The following RFX1 variants were observed in gnomAD, a reference collection of about 807,000 sequenced individuals.
RFX1 encodes regulatory factor X1.
In RFX1, 42 loss-of-function variants were observed where a neutral mutation model predicts 119.6. The ratio of observed to expected loss-of-function variants is 0.35; its 90% confidence interval spans 0.27 to 0.45. RFX1 has a LOEUF of 0.45. Ranked by LOEUF, RFX1 falls within the 20% of genes least tolerant of loss-of-function variation. The pLI, the probability that RFX1 is intolerant of heterozygous loss-of-function variation, is 1.00. For synonymous variants in RFX1, 628 were observed against 618.5 expected (o/e 1.02, Z -0.23); for missense variants, 1,118 against 1,368.1 (o/e 0.82, Z 2.88).
rs759431463 is a variant in RFX1, at chr19:13,986,986, T to A, written c.320-3391A>T. 5.3e-5 allele frequency among the ~76,000 whole-genome samples: 8 copies of A among 152,196 alleles called. No individual in the cohort carries two copies. The highest frequency in any genetic ancestry group is 8.8e-5 in the Non-Finnish European group (6 of 68,016). Reference sequence around the variant, plus strand: ...GGGGCCCCTGCTGCCCCCAGTGTCCTCTATCCCTTGTCTGCTCCAACCTCA... The same window carrying A: ...GGGGCCCCTGCTGCCCCCAGTGTCCACTATCCCTTGTCTGCTCCAACCTCA... On this transcript the variant is annotated intron_variant, in intron 2 of 20. Coordinates refer to ENST00000254325, the MANE Select transcript of RFX1 (RefSeq NM_002918.5). This position sits in a 1 kb window ranked among gnomAD's most constrained non-coding sequence, Gnocchi z 4.2.
intron 1 of RFX1, 87 bp from the exon 2 acceptor site, chr19:13,993,982 G>T: frequency 3.8e-6 from 3 of 780,440 alleles, no homozygotes; most frequent in Non-Finnish European, 6.2e-6. Flanking sequence ...GGCAGAGAAA[G>T]CAGGGACAGC....
rs1326785158 is a variant in RFX1 at position 13,986,529 on chromosome 19, C to T, written c.320-2934G>A. ...AGGGCCCCTCCACCACTGGGTCTGG[C>T]CCTCGCTGTGTTTCAGGGAGGAGAA... On this transcript the variant is annotated intron_variant, in intron 2 of 20. Coordinates refer to ENST00000254325, the MANE Select transcript of RFX1 (RefSeq NM_002918.5). This position sits in a 1 kb window ranked among gnomAD's most constrained non-coding sequence, Gnocchi z 4.2. 1.3e-5 allele frequency among the ~76,000 whole-genome samples: 2 copies of T among 152,150 alleles called. No homozygotes were observed. Among genetic ancestry groups the T allele is most frequent in the African/African-American group, 2.4e-5 (1 of 41,444 alleles).
Position 13,979,557 on chromosome 19 carries a change from G to A in RFX1, c.739-15C>T. 1.9e-6 allele frequency: 3 copies of A among 1,566,734 alleles called. No individual in the cohort carries two copies. The highest frequency in any genetic ancestry group is 1.8e-5 in the Admixed American group (1 of 55,140). On this transcript the variant is annotated splice_polypyrimidine_tract_variant and intron_variant, in intron 6 of 20. Coordinates refer to ENST00000254325, the MANE Select transcript of RFX1 (RefSeq NM_002918.5). ...ACCACAGATCTCTGGGAGGGGAAAGGCAACAATAAGATGACCATGGCAACG... is the reference window on the plus strand; with the variant it reads ...ACCACAGATCTCTGGGAGGGGAAAGACAACAATAAGATGACCATGGCAACG...
chr19:13,975,766 C>T (rs1471413284), intron 8 of RFX1, among the ~76,000 whole-genome samples: 2 of 152,242 alleles, frequency 1.3e-5, no homozygotes, highest in Admixed American at 6.5e-5. Flanking sequence ...GGATGCCCCC[C>T]AGAACAGGAC....
chr19:13,985,130 G>A lies in RFX1; in HGVS notation c.320-1535C>T, dbSNP rs376285527. Among the ~76,000 whole-genome samples, 1 of 151,986 alleles carries A rather than the reference G, an allele frequency of 6.6e-6. No individual in the cohort carries two copies. The highest frequency in any genetic ancestry group is 2.4e-5 in the African/African-American group (1 of 41,366). ...ACCTGCTTCCATCTCCCGAAGTGCC[G>A]GAATTACCGGCGTGAGCCACTGTGC... is the stretch of plus-strand genomic sequence containing the variant. On this transcript the variant is annotated intron_variant, in intron 2 of 20. Coordinates refer to ENST00000254325, the MANE Select transcript of RFX1 (RefSeq NM_002918.5). The surrounding 1 kb of genome is among the most constrained non-coding windows in gnomAD (Gnocchi z 4.3).
chr19:13,977,868 T>C, intron 8 of RFX1, 124 bp downstream of exon 8: 1 of 705,772 alleles, frequency 1.4e-6, no homozygotes, highest in Non-Finnish European at 2.4e-6. Context: ...TGTGTGTCTG[T>C]CACCTGAGGC....
rs1364932831 is a variant in RFX1 at position 13,965,220 on chromosome 19, A to T, written c.2211+229T>A. On this transcript the variant is annotated intron_variant, in intron 16 of 20. Coordinates refer to ENST00000254325, the MANE Select transcript of RFX1 (RefSeq NM_002918.5). The surrounding 1 kb of genome is among the most constrained non-coding windows in gnomAD (Gnocchi z 4.7). Reference sequence around the variant, plus strand: ...TTTATTTTTGAAAGATGCTGTGTTGAGTACAGTAACACCACAAAGGGGGTT... The same window carrying T: ...TTTATTTTTGAAAGATGCTGTGTTGTGTACAGTAACACCACAAAGGGGGTT... 6.6e-6 allele frequency among the ~76,000 whole-genome samples: 1 copy of T among 152,192 alleles called. No individual in the cohort carries two copies. The highest frequency in any genetic ancestry group is 1.9e-4 in the East Asian group (1 of 5,196).
At position 13,962,519 on chromosome 19, in the gene RFX1, C is replaced by T; in HGVS notation, c.*176G>A. On this transcript the variant is annotated 3_prime_UTR_variant, in exon 21 of 21. Transcript: ENST00000254325. ...GTCAGAGTTTGCAGCTGCGGCTCCGCCCAGCCCACTGATTGTGCCGGCCCC... is the reference window on the plus strand; with the variant it reads ...GTCAGAGTTTGCAGCTGCGGCTCCGTCCAGCCCACTGATTGTGCCGGCCCC... 1 of 585,882 alleles carries T rather than the reference C, an allele frequency of 1.7e-6. No individual in the cohort carries two copies. Among genetic ancestry groups the T allele is most frequent in the Non-Finnish European group, 2.9e-6 (1 of 345,578 alleles). The allele number at this position is 585,882 out of a possible 1,614,324, so 36.3% of individuals were successfully genotyped here.
rs894942623 is a variant in RFX1, at chr19:13,990,927, C to T, written c.319+2598G>A. On this transcript the variant is annotated intron_variant, in intron 2 of 20. Coordinates refer to ENST00000254325, the MANE Select transcript of RFX1 (RefSeq NM_002918.5). The surrounding 1 kb of genome is among the most constrained non-coding windows in gnomAD (Gnocchi z 4.1). ...CCAGGAGTTGGAGGTTACAGTGAGC[C>T]ATGATTGCACCATTGCACTCCAGCC... Among the ~76,000 whole-genome samples, 3 of 152,070 alleles carry T rather than the reference C, an allele frequency of 2.0e-5. No individual in the cohort carries two copies. Among genetic ancestry groups the T allele is most frequent in the Non-Finnish European group, 2.9e-5 (2 of 68,008 alleles).
intron 1 of RFX1, among the ~76,000 whole-genome samples, chr19:13,999,834 C>A (rs1975154791): frequency 6.6e-6 from 1 of 152,138 alleles, no homozygotes; most frequent in Admixed American, 6.6e-5. Context: ...CACCACCATG[C>A]CTGGCTAGCT....
At position 13,965,795 on chromosome 19, in the gene RFX1, A is replaced by C. The variant is rs774621162; in HGVS notation, c.1962-18T>G. 33 of 1,611,566 alleles carry C rather than the reference A, an allele frequency of 2.0e-5. No individual in the cohort carries two copies. In the South Asian group the frequency reaches 2.3e-4, roughly 11 times the overall value. ...CGTCATGTCTGCGGGCACCCACCCC[A>C]CCCCGGGTCACTGGGGTACTCTATG... On this transcript the variant is annotated intron_variant, in intron 14 of 20. Coordinates refer to ENST00000254325, the MANE Select transcript of RFX1 (RefSeq NM_002918.5). The surrounding 1 kb of genome is among the most constrained non-coding windows in gnomAD (Gnocchi z 4.7).
intron 8 of RFX1, among the ~76,000 whole-genome samples, chr19:13,975,229 C>A (rs558685515): frequency 6.6e-6 from 1 of 151,672 alleles, no homozygotes; most frequent in South Asian, 2.1e-4. Flanking sequence ...TGGTGGTGGG[C>A]GCCTGTAATC....
intron 7 of RFX1, 41 bp downstream of exon 7, chr19:13,979,406 C>A (rs774047259): frequency 1.4e-6 from 2 of 1,432,130 alleles, no homozygotes; most frequent in Non-Finnish European, 1.9e-6. Flanking sequence ...CAGCCCGGGA[C>A]CAGCCCCTTT....
Position 13,962,773 on chromosome 19 carries a change from C to T in RFX1, c.2862G>A (p.Pro954=), listed in dbSNP as rs1392183277. 5.9e-6 allele frequency: 9 copies of T among 1,530,292 alleles called. No homozygotes were observed. The highest frequency in any genetic ancestry group is 2.5e-5 in the East Asian group (1 of 40,736). 94.8% of individuals were successfully genotyped at this position (1,530,292 alleles called of 1,614,324 possible). A position where few individuals can be genotyped will look rare whatever the true frequency, so the allele number is the denominator to read the frequency against. The change falls in exon 21 of 21, where the codon CCG becomes CCA. Residue 954 remains proline, a synonymous_variant. Transcript: ENST00000254325. ...AAGGESPALG[P]ETLEPPAKLA... is the part of the protein sequence containing the mutation. Reference sequence around the variant, plus strand: ...GCTTGGCCGGCGGCTCCAGGGTCTCCGGGCCCAGCGCGGGTGACTCGCCGC... The same window carrying T: ...GCTTGGCCGGCGGCTCCAGGGTCTCTGGGCCCAGCGCGGGTGACTCGCCGC...
intron 7 of RFX1, 30 bp downstream of exon 7, chr19:13,979,417 G>C (rs1599492707): frequency 2.7e-6 from 4 of 1,480,336 alleles, no homozygotes; most frequent in South Asian, 1.3e-5. Context: ...CAGCCCCTTT[G>C]CCCGTGGGGT....
In RFX1 at chr19:13,965,591, T is replaced by C. The variant is rs1344641317; in HGVS notation, c.2113+35A>G. 2 of 1,611,574 alleles carry C rather than the reference T, an allele frequency of 1.2e-6. No homozygotes were observed. Among genetic ancestry groups the C allele is most frequent in the African/African-American group, 2.7e-5 (2 of 74,606 alleles). The stretch of plus-strand genomic sequence containing the variant: ...TCGGTCAGGGCAGGGCGGGTGTATG[T>C]GGGGCAGGGGATGCCGAGCAGGCCG... On this transcript the variant is annotated intron_variant, in intron 15 of 20. Transcript: ENST00000254325. The surrounding 1 kb of genome is among the most constrained non-coding windows in gnomAD (Gnocchi z 4.7).
At position 13,973,070 on chromosome 19, in the gene RFX1, G is replaced by A; in HGVS notation, c.987C>T (p.Thr329=). ...ETPLYTQTAS[T]SYYEAAGTAT... ...CCGTGCCTGCGGCCTCGTAGTAGCT[G>A]GTGCTTGCCGTCTGCGTGTACAGCG... The change falls in exon 9 of 21, where the codon ACC becomes ACT. Residue 329 remains threonine (T), a synonymous_variant. Coordinates refer to ENST00000254325, the MANE Select transcript of RFX1 (RefSeq NM_002918.5). 2 of 1,601,730 alleles carry A rather than the reference G, an allele frequency of 1.2e-6. No individual in the cohort carries two copies. Among genetic ancestry groups the A allele is most frequent in the Non-Finnish European group, 1.7e-6 (2 of 1,179,872 alleles).
At chr19:14,005,236 C>T (rs1975334562) in intron 1 of RFX1, among the ~76,000 whole-genome samples, 1 of 152,164 alleles carries the variant, frequency 6.6e-6, no homozygotes, top group Non-Finnish European at 1.5e-5. Flanking sequence ...CTAAAGCATT[C>T]CCTCATGGTC....
chr19:13,964,143 G>T, intron 16 of RFX1, 136 bp from the exon 17 acceptor site: 1 of 977,662 alleles, frequency 1.0e-6, no homozygotes, highest in Non-Finnish European at 1.5e-6. Flanking sequence ...TACTTTTGTT[G>T]GGACACAGAA....
Sources: gnomAD v4.1 joint callset for allele counts (sites outside exome capture counted in the v4.1 genomes callset) on GRCh38, gnomAD v4.1.1 for gene constraint, Gnocchi (gnomAD v3.1) non-coding constraint, MANE v1.5 for transcripts, NCBI Gene and HGNC (gene_info 2026-07-23, HGNC 2026-07-21) for gene names.